Variants in NEK10 observed in about 807,000 individuals in gnomAD.
The protein encoded by NEK10 is serine/threonine-protein kinase Nek10.
NEK10 carries 122 observed loss-of-function variants against 159.8 expected under a neutral mutation model. The ratio of observed to expected loss-of-function variants is 0.76; its 90% confidence interval spans 0.66 to 0.89. The LOEUF (loss-of-function observed/expected upper bound fraction) is 0.89. Ranked by LOEUF, NEK10 falls within the 40% of genes least tolerant of loss-of-function variation. NEK10 has a pLI of 0.00. For synonymous variants in NEK10, 466 were observed against 457.1 expected, an observed-to-expected ratio of 1.02 and a Z score of -0.25; for missense variants, 1,342 against 1,323.1, an observed-to-expected ratio of 1.01 and a Z score of -0.22.
chr3:27,112,642 A>G (rs1011559504), intron 35 of NEK10, among the ~76,000 whole-genome samples: 1 of 152,210 alleles, frequency 6.6e-6, no homozygotes, highest in Non-Finnish European at 1.5e-5. Flanking sequence ...TCAACAAACA[A>G]GGTCAACAGA....
intron 19 of NEK10, among the ~76,000 whole-genome samples, chr3:27,288,109 C>T (rs768200384): frequency 2.0e-5 from 3 of 152,152 alleles, no homozygotes; most frequent in Non-Finnish European, 4.4e-5. Flanking sequence ...AAGTGAAATG[C>T]GGTAACTTCT....
In NEK10 at chr3:27,186,404, C is replaced by T. The variant is rs200978681; in HGVS notation, c.2505+5625G>A. ...AAGGGTAGCTTCTGGCAGAAAGGTGCGAACTGGAAATTTCTTCTGGAGCTC... is the reference window on the plus strand; with the variant it reads ...AAGGGTAGCTTCTGGCAGAAAGGTGTGAACTGGAAATTTCTTCTGGAGCTC... On this transcript the variant is annotated intron_variant, in intron 26 of 35. Coordinates refer to ENST00000691995, the MANE Select transcript of NEK10 (RefSeq NM_001394966.1). Among the ~76,000 whole-genome samples, 8 of 152,224 alleles carry T rather than the reference C, an allele frequency of 5.3e-5. No individual in the cohort carries two copies. The East Asian group carries it at 9.7e-4, about 18-fold the overall frequency.
intron 30 of NEK10, chr3:27,162,485 T>A: frequency 1.2e-6 from 2 of 1,614,120 alleles, no homozygotes; most frequent in Non-Finnish European, 1.7e-6. Context: ...TTTCGAAGAA[T>A]CACAGCAGGA....
intron 30 of NEK10, among the ~76,000 whole-genome samples, chr3:27,157,521 T>A (rs1945600347): frequency 6.6e-6 from 1 of 152,142 alleles, no homozygotes; most frequent in Admixed American, 6.6e-5. Context: ...ATCCAAAAGC[T>A]TGAATGGATG....
chr3:27,210,412 T>C lies in NEK10; in HGVS notation c.2091-7855A>G, dbSNP rs148118046. Among the ~76,000 whole-genome samples, 13 of 152,300 alleles carry C rather than the reference T, an allele frequency of 8.5e-5. No homozygotes were observed. In the East Asian group the frequency reaches 2.5e-3, roughly 29 times the overall value. ...GCACTAGATCATAAGGGCTCTTCTC[T>C]CATGATCTAGCGATCTCTTAAAGGT... is the stretch of plus-strand genomic sequence containing the variant. On this transcript the variant is annotated intron_variant, in intron 23 of 35. Coordinates refer to ENST00000691995, the MANE Select transcript of NEK10 (RefSeq NM_001394966.1).
intron 33 of NEK10, among the ~76,000 whole-genome samples, chr3:27,116,549 C>T (rs1940466767): frequency 6.6e-6 from 1 of 152,086 alleles, no homozygotes; most frequent in African/African-American, 2.4e-5. Context: ...TACAGGGAGG[C>T]AGATACAGAT....
intron 31 of NEK10, among the ~76,000 whole-genome samples, chr3:27,134,698 C>T (rs1444806751): frequency 6.6e-6 from 1 of 152,138 alleles, no homozygotes; most frequent in Non-Finnish European, 1.5e-5. Flanking sequence ...ACTTAAGCTG[C>T]ATATATATTA....
intron 5 of NEK10, among the ~76,000 whole-genome samples, chr3:27,343,260 G>C (rs1032001935): frequency 3.3e-5 from 5 of 152,256 alleles, no homozygotes; most frequent in Admixed American, 3.3e-4. Context: ...ATGGAGATAT[G>C]AAGTCATCAC....
chr3:27,278,252 A>T lies in NEK10; in HGVS notation c.2014+6350T>A, dbSNP rs564023543. On this transcript the variant is annotated intron_variant, in intron 22 of 35. Transcript: ENST00000691995. ...CTTATTACATGTTACAGTATTTTGC[A>T]TATACATTCTAGCCTTCATCACTCT... 1.4e-3 allele frequency among the ~76,000 whole-genome samples: 209 copies of T among 152,322 alleles called. 1 individual carries two copies. Among genetic ancestry groups the T allele is most frequent in the African/African-American group, 4.8e-3 (199 of 41,572 alleles).
chr3:27,296,917 G>T (rs183509820), intron 14 of NEK10, among the ~76,000 whole-genome samples: 190 of 151,922 alleles, frequency 1.3e-3, no homozygotes, highest in African/African-American at 4.3e-3. Flanking sequence ...CTTTTAGAAA[G>T]AAAAAATAAA....
At position 27,115,935 on chromosome 3, in the gene NEK10, C is replaced by T; in HGVS notation, c.3299+5G>A. The T allele has an allele frequency of 6.2e-7, 1 of 1,605,980 alleles. No individual in the cohort carries two copies. The highest frequency in any genetic ancestry group is 1.7e-5 in the Admixed American group (1 of 59,950). On this transcript the variant is annotated splice_donor_5th_base_variant and intron_variant, in intron 35 of 35. Transcript: ENST00000691995. ...TCACAATTGAAGGCAAACTCTAGCT[C>T]TTACCTGTTAGATGTAAAATTGTAA...
At chr3:27,201,715 G>A (rs970743538) in intron 24 of NEK10, 135 bp from the exon 25 acceptor site, 20 of 633,472 alleles carry the variant, frequency 3.2e-5, no homozygotes, top group African/African-American at 2.4e-4. Flanking sequence ...CAGAAATCCC[G>A]ACCAAATAAA....
chr3:27,214,925 G>A (rs1951355238), intron 23 of NEK10: 2 of 1,005,572 alleles, frequency 2.0e-6, no homozygotes, highest in South Asian at 1.3e-5. Flanking sequence ...TTTAAAGAAG[G>A]TGAGAAGACA....
chr3:27,307,322 G>C (rs1402693734), intron 11 of NEK10, among the ~76,000 whole-genome samples: 1 of 152,068 alleles, frequency 6.6e-6, no homozygotes, highest in Non-Finnish European at 1.5e-5. Flanking sequence ...AAATGATATA[G>C]ATTGCAACTC....
rs916986757 is a variant in NEK10, at chr3:27,344,365, T to C, written c.269A>G (p.Asn90Ser). The change falls in exon 5 of 36, where the codon AAC (asparagine) becomes AGC (serine). Residue 90 changes from asparagine (N) to serine (S), a missense_variant. By Grantham distance (46) the Asn-to-Ser change is conservative. Transcript: ENST00000691995. ...GCTGAAATTTCTCTCATTCTTGTAGTTTATACTGAGACAAAACAAACAGAA... is the reference window on the plus strand; with the variant it reads ...GCTGAAATTTCTCTCATTCTTGTAGCTTATACTGAGACAAAACAAACAGAA... ...EAVELENFSINYKNERNFSKH... is the reference protein window; with the variant it reads ...EAVELENFSISYKNERNFSKH... 6.5e-7 allele frequency: 1 copy of C among 1,533,150 alleles called. No individual in the cohort carries two copies. The highest frequency in any genetic ancestry group is 1.4e-5 in the African/African-American group (1 of 73,694). 95.0% of individuals were successfully genotyped at this position (1,533,150 alleles called of 1,614,324 possible).
At chr3:27,300,838 A>T (rs2149533903) in intron 13 of NEK10, among the ~76,000 whole-genome samples, 1 of 152,318 alleles carries the variant, frequency 6.6e-6, no homozygotes, top group East Asian at 1.9e-4. Context: ...CTTTCAGAGT[A>T]AGCAGAAATG....
chr3:27,198,849 A>G (rs997597615), intron 25 of NEK10, among the ~76,000 whole-genome samples: 1 of 152,094 alleles, frequency 6.6e-6, no homozygotes, highest in African/African-American at 2.4e-5. Context: ...AGGCGTGTAG[A>G]TCATGAGGTC....
In NEK10 at chr3:27,106,508, A is replaced by G. The variant is rs1001776770; in HGVS notation, c.*4764T>C. ...ATGGAGGGCAACAGTTTTAGCTAAA[A>G]TTTAATAGCCATTTACAAGCTTTAT... On this transcript the variant is annotated 3_prime_UTR_variant, in exon 36 of 36. Coordinates refer to ENST00000691995, the MANE Select transcript of NEK10 (RefSeq NM_001394966.1). 1.3e-5 allele frequency among the ~76,000 whole-genome samples: 2 copies of G among 152,216 alleles called. No individual in the cohort carries two copies. The highest frequency in any genetic ancestry group is 4.8e-5 in the African/African-American group (2 of 41,454).
chr3:27,331,262 A>AAAAC lies in NEK10; in HGVS notation c.363-9002_363-9001insGTTT. 6.1e-4 allele frequency among the ~76,000 whole-genome samples: 67 copies of AAAAC among 110,104 alleles called. 6 individuals carry two copies. The highest frequency in any genetic ancestry group is 7.3e-4 in the Admixed American group (6 of 8,164). The allele number at this position is 110,104 out of a possible 152,430, so 72.2% of individuals were successfully genotyped here. On this transcript the variant is annotated intron_variant, in intron 5 of 35. Transcript: ENST00000691995. ...CAAAAAAAAAAAAACAAAAAAAAAAAACACACAAACCTAAGACTTTTGAGG... is the reference window on the plus strand; with the variant it reads ...CAAAAAAAAAAAAACAAAAAAAAAAAAAACACACACAAACCTAAGACTTTTGAGG...
Sources: gnomAD v4.1 joint callset for allele counts (sites outside exome capture counted in the v4.1 genomes callset) on GRCh38, gnomAD v4.1.1 for gene constraint, MANE v1.5 for transcripts, NCBI Gene and HGNC (gene_info 2026-07-23, HGNC 2026-07-21) for gene names.